DIP2B: variants seen among roughly 807,000 people sequenced by gnomAD.
The protein encoded by DIP2B is disco-interacting protein 2 homolog B.
DIP2B carries 76 observed loss-of-function variants against 198.0 expected under a neutral mutation model. That is an observed-to-expected ratio of 0.38 (90% CI 0.32 to 0.46). The LOEUF (loss-of-function observed/expected upper bound fraction) is 0.46, where lower values mean the gene tolerates loss of function less well. Among genes scored for constraint, DIP2B ranks in the 20% least tolerant of loss-of-function variants. The probability of loss-of-function intolerance (pLI) is 0.99; values close to 1 mark genes in which losing one functional copy is unlikely to be tolerated. For synonymous variants in DIP2B, 701 were observed against 739.1 expected, an observed-to-expected ratio of 0.95 and a Z score of 0.84; for missense variants, 1,559 against 1,978.4, an observed-to-expected ratio of 0.79 and a Z score of 4.02.
intron 1 of DIP2B, among the ~76,000 whole-genome samples, chr12:50,602,892 C>T (rs545559197): frequency 1.5e-4 from 21 of 136,052 alleles, no homozygotes; most frequent in Non-Finnish European, 2.9e-4. Flanking sequence ...TGGCGGGGCG[C>T]GGTGGCTCAC....
intron 1 of DIP2B, among the ~76,000 whole-genome samples, chr12:50,608,655 G>T (rs932662547): frequency 2.0e-5 from 3 of 150,030 alleles, no homozygotes; most frequent in Non-Finnish European, 3.0e-5. Flanking sequence ...GAAAAGAAAA[G>T]AAAACAAATA....
At position 50,695,151 on chromosome 12, in the gene DIP2B, G is replaced by A. The variant is rs141587346; in HGVS notation, c.1720-116G>A. 949 of 723,878 alleles carry A rather than the reference G, an allele frequency of 1.3e-3. 8 individuals are homozygous for A. The African/African-American group carries it at 0.016, about 12-fold the overall frequency. 44.8% of individuals were successfully genotyped at this position (723,878 alleles called of 1,614,324 possible). Reference sequence around the variant, plus strand: ...TAATATTTAAGATTGTTTTCAAAGAGTGTGTATTTGAGTATTACTTGTATA... The same window carrying A: ...TAATATTTAAGATTGTTTTCAAAGAATGTGTATTTGAGTATTACTTGTATA... On this transcript the variant is annotated intron_variant, in intron 14 of 37. Transcript: ENST00000301180.
chr12:50,531,485 A>C (rs1459409540), intron 1 of DIP2B, among the ~76,000 whole-genome samples: 2 of 152,224 alleles, frequency 1.3e-5, no homozygotes, highest in African/African-American at 4.8e-5. Flanking sequence ...CAAAACAACA[A>C]GGAGTATTAA....
intron 1 of DIP2B, among the ~76,000 whole-genome samples, chr12:50,600,620 C>G (rs1038565469): frequency 3.3e-5 from 5 of 152,102 alleles, no homozygotes; most frequent in African/African-American, 1.2e-4. Context: ...GTTTTTAAAT[C>G]AGTGGCTTGT....
intron 1 of DIP2B, among the ~76,000 whole-genome samples, chr12:50,623,603 G>T (rs1937872137): frequency 6.6e-6 from 1 of 151,802 alleles, no homozygotes. Context: ...ATTATTTTCT[G>T]TGTATATGCA....
chr12:50,658,400 G>C (rs556681020), intron 3 of DIP2B, among the ~76,000 whole-genome samples: 2 of 152,126 alleles, frequency 1.3e-5, no homozygotes, highest in Non-Finnish European at 2.9e-5. Flanking sequence ...GCCTCCCAAA[G>C]TGCTGGGATT....
intron 1 of DIP2B, among the ~76,000 whole-genome samples, chr12:50,609,585 C>T (rs1158688844): frequency 6.6e-6 from 1 of 152,222 alleles, no homozygotes; most frequent in African/African-American, 2.4e-5. Flanking sequence ...GGAAGATACA[C>T]CCATTCCATT....
chr12:50,610,856 G>A (rs1959025711), intron 1 of DIP2B, among the ~76,000 whole-genome samples: 1 of 149,824 alleles, frequency 6.7e-6, no homozygotes, highest in Non-Finnish European at 1.5e-5. Context: ...AGGCTGGAGT[G>A]CAGTGGCGTG....
Position 50,746,935 on chromosome 12 carries a change from T to C in DIP2B, c.*2096T>C, listed in dbSNP as rs726192. 1 of 152,230 alleles carries C rather than the reference T, an allele frequency of 6.6e-6. No individual in the cohort carries two copies. The highest frequency in any genetic ancestry group is 1.5e-5 in the Non-Finnish European group (1 of 68,042). The allele number at this position is 152,230 out of a possible 1,614,324, so 9.4% of individuals were successfully genotyped here. On this transcript the variant is annotated 3_prime_UTR_variant, in exon 38 of 38. Transcript: ENST00000301180. ...AGGGTATAGGCATCTAGAGATGCAC[T>C]GTCCACTGTAAATACTATAATGAGA...
At chr12:50,556,301 G>C (rs1037156848) in intron 1 of DIP2B, among the ~76,000 whole-genome samples, 2 of 152,112 alleles carry the variant, frequency 1.3e-5, no homozygotes, top group Non-Finnish European at 2.9e-5. Context: ...GTCCATCTCA[G>C]CCTCCCAAAG....
intron 1 of DIP2B, among the ~76,000 whole-genome samples, chr12:50,537,315 C>T (rs1277685734): frequency 2.0e-5 from 3 of 151,708 alleles, no homozygotes; most frequent in African/African-American, 7.3e-5. Flanking sequence ...AGGCTAGAAA[C>T]CATGTCTTAT....
At chr12:50,592,873 T>A (rs1196026270) in intron 1 of DIP2B, among the ~76,000 whole-genome samples, 7 of 152,192 alleles carry the variant, frequency 4.6e-5, no homozygotes, top group Non-Finnish European at 1.0e-4. Context: ...AATAGGTGCT[T>A]CTAAATGTTG....
chr12:50,594,878 G>A (rs974144385), intron 1 of DIP2B, among the ~76,000 whole-genome samples: 3 of 152,038 alleles, frequency 2.0e-5, no homozygotes, highest in East Asian at 1.9e-4. Flanking sequence ...TTTAGGTAGC[G>A]TTATCTGGCT....
intron 1 of DIP2B, among the ~76,000 whole-genome samples, chr12:50,564,243 G>A (rs563501932): frequency 7.9e-5 from 12 of 152,052 alleles, no homozygotes; most frequent in Non-Finnish European, 1.3e-4. Context: ...ACCACCATCT[G>A]CCTTTCCTTA....
chr12:50,522,999 G>A (rs1958133796), intron 1 of DIP2B, among the ~76,000 whole-genome samples: 1 of 152,018 alleles, frequency 6.6e-6, no homozygotes, highest in African/African-American at 2.4e-5. Flanking sequence ...GAATATATTT[G>A]GGAAAAAGAG....
intron 1 of DIP2B, among the ~76,000 whole-genome samples, chr12:50,521,872 G>A (rs1465285375): frequency 1.3e-5 from 2 of 151,672 alleles, no homozygotes; most frequent in Non-Finnish European, 2.9e-5. Context: ...TTGAACTCCT[G>A]GGCTCAAGGA....
At chr12:50,513,490 T>A (rs1958036376) in intron 1 of DIP2B, among the ~76,000 whole-genome samples, 1 of 152,252 alleles carries the variant, frequency 6.6e-6, no homozygotes, top group African/African-American at 2.4e-5. Flanking sequence ...TATGGATGTT[T>A]AGAACCTTCA....
intron 30 of DIP2B, among the ~76,000 whole-genome samples, chr12:50,730,359 T>C (rs1940017585): frequency 7.4e-6 from 1 of 135,128 alleles, no homozygotes; most frequent in African/African-American, 2.4e-5. Flanking sequence ...TTTCTTTTTT[T>C]GTTTCTTTCT....
intron 30 of DIP2B, among the ~76,000 whole-genome samples, chr12:50,730,937 A>C (rs1412180221): frequency 6.6e-6 from 1 of 152,184 alleles, no homozygotes; most frequent in Admixed American, 6.5e-5. Flanking sequence ...TTCTTGATTC[A>C]CATCTCATAT....
Sources: allele counts gnomAD v4.1 joint callset (sites outside exome capture counted in the v4.1 genomes callset), GRCh38; gene constraint gnomAD v4.1.1; transcripts MANE v1.5; gene names NCBI Gene and HGNC (gene_info 2026-07-23, HGNC 2026-07-21).